The following CHSY1 variants were observed in gnomAD, a reference collection of about 807,000 sequenced individuals.
The protein encoded by CHSY1 is chondroitin sulfate synthase 1.
CHSY1 carries 13 observed loss-of-function variants against 59.8 expected under a neutral mutation model. That is an observed-to-expected ratio of 0.22 (90% confidence interval 0.14 to 0.35). CHSY1 has a LOEUF of 0.35. Among genes scored for constraint, CHSY1 ranks in the 10% least tolerant of loss-of-function variants. The probability of loss-of-function intolerance (pLI) is 1.00; values close to 1 mark genes in which losing one functional copy is unlikely to be tolerated. For synonymous variants in CHSY1, 459 were observed against 401.2 expected, an observed-to-expected ratio of 1.14 and a Z score of -1.72; for missense variants, 947 against 1,030.6, an observed-to-expected ratio of 0.92 and a Z score of 1.11.
chr15:101,198,648 A>T (rs753431600), intron 2 of CHSY1, among the ~76,000 whole-genome samples: 1 of 152,198 alleles, frequency 6.6e-6, no homozygotes, highest in Non-Finnish European at 1.5e-5. Flanking sequence ...CAAAAACTGG[A>T]TAACTTGAGA....
chr15:101,189,579 G>T, intron 2 of CHSY1: 1 of 444,526 alleles, frequency 2.2e-6, no homozygotes, highest in Non-Finnish European at 3.0e-6. Context: ...GTTCAAGTGA[G>T]AGAGAAAGGG....
rs771717110 is a variant in CHSY1, at chr15:101,234,094, A to G, written c.816+988T>C. On this transcript the variant is annotated intron_variant, in intron 2 of 2. Coordinates refer to ENST00000254190, the MANE Select transcript of CHSY1 (RefSeq NM_014918.5). Reference sequence around the variant, plus strand: ...GCAAAGGGTGCAGCAACAACACAGGAAAGTCCAAAGCCAGTCCATCTTCTC... The same window carrying G: ...GCAAAGGGTGCAGCAACAACACAGGGAAGTCCAAAGCCAGTCCATCTTCTC... 4.6e-5 allele frequency among the ~76,000 whole-genome samples: 7 copies of G among 152,326 alleles called. 1 individual carries two copies. The South Asian group carries it at 1.0e-3, about 23-fold the overall frequency.
At chr15:101,223,140 C>T (rs564538423) in intron 2 of CHSY1, among the ~76,000 whole-genome samples, 1 of 152,154 alleles carries the variant, frequency 6.6e-6, no homozygotes, top group Admixed American at 6.5e-5. Context: ...ATTACAGGCA[C>T]CCACCACCAC....
At chr15:101,201,579 A>G (rs2038574834) in intron 2 of CHSY1, among the ~76,000 whole-genome samples, 1 of 152,036 alleles carries the variant, frequency 6.6e-6, no homozygotes, top group Non-Finnish European at 1.5e-5. Context: ...GTGGGGTGGG[A>G]GGAGAGGAGG....
At position 101,178,756 on chromosome 15, in the gene CHSY1, T is replaced by C; in HGVS notation, c.1041A>G (p.Thr347=). Residue 347 remains threonine (T), a synonymous_variant, in exon 3 of 3, where the codon ACA becomes ACG. Transcript: ENST00000254190. ...EIVLMSKYSN[T]EIHKEDLQLG... The stretch of plus-strand genomic sequence containing the variant: ...GCTGGAGGTCCTCTTTATGAATTTC[T>C]GTGTTGCTGTATTTGCTCATCAGGA... 6.2e-7 allele frequency: 1 copy of C among 1,614,250 alleles called. No individual in the cohort carries two copies.
chr15:101,184,015 C>CT lies in CHSY1; in HGVS notation c.817-5036dup, dbSNP rs953918958. ...TCTGGAGAGATGATATAGTGGTCAC[C>CT]TTTTTTTTACTCCCTAGACCAAATG... On this transcript the variant is annotated intron_variant, in intron 2 of 2. Coordinates refer to ENST00000254190, the MANE Select transcript of CHSY1 (RefSeq NM_014918.5). Among the ~76,000 whole-genome samples the CT allele has an allele frequency of 9.9e-5, 15 of 152,196 alleles. No homozygotes were observed. In the East Asian group the frequency reaches 2.1e-3, roughly 22 times the overall value.
chr15:101,212,500 G>C (rs2038691869), intron 2 of CHSY1, among the ~76,000 whole-genome samples: 1 of 152,200 alleles, frequency 6.6e-6, no homozygotes. Flanking sequence ...ATGCTCAAGT[G>C]AGAGAAGCCT....
At chr15:101,184,576 C>T (rs2038328885) in intron 2 of CHSY1, among the ~76,000 whole-genome samples, 1 of 151,890 alleles carries the variant, frequency 6.6e-6, no homozygotes, top group African/African-American at 2.4e-5. Context: ...TCTTGAACTC[C>T]TGGGATCAAG....
At chr15:101,180,215 G>C (rs544836306) in intron 2 of CHSY1, among the ~76,000 whole-genome samples, 1 of 152,262 alleles carries the variant, frequency 6.6e-6, no homozygotes, top group African/African-American at 2.4e-5. Flanking sequence ...AGTAAACAGG[G>C]AGCTGGCATG....
intron 1 of CHSY1, among the ~76,000 whole-genome samples, chr15:101,247,439 T>C (rs2141283121): frequency 6.6e-6 from 1 of 152,292 alleles, no homozygotes; most frequent in African/African-American, 2.4e-5. Context: ...CATCCATCAC[T>C]AGCAGAAACC....
chr15:101,214,679 C>G, intron 2 of CHSY1, among the ~76,000 whole-genome samples: 1 of 140,520 alleles, frequency 7.1e-6, no homozygotes, highest in South Asian at 2.4e-4. Flanking sequence ...GTGGCTGGAT[C>G]ATGGAGGTGG....
intron 2 of CHSY1, among the ~76,000 whole-genome samples, chr15:101,185,608 T>C (rs1455508871): frequency 1.3e-5 from 2 of 150,390 alleles, no homozygotes; most frequent in Non-Finnish European, 3.0e-5. Flanking sequence ...TCAAGAGATC[T>C]CAGTGCTTCT....
intron 2 of CHSY1, chr15:101,188,110 C>T (rs887946227): frequency 4.9e-5 from 48 of 985,324 alleles, no homozygotes; most frequent in African/African-American, 1.7e-4. Flanking sequence ...AGCACGTACA[C>T]GGTTCAGCCT....
chr15:101,213,892 T>C (rs2038706116), intron 2 of CHSY1, among the ~76,000 whole-genome samples: 1 of 152,260 alleles, frequency 6.6e-6, no homozygotes, highest in Admixed American at 6.5e-5. Flanking sequence ...CACGAGGCTT[T>C]TACTTTTCCT....
intron 2 of CHSY1, among the ~76,000 whole-genome samples, chr15:101,201,061 A>T (rs1242009524): frequency 7.5e-6 from 1 of 133,482 alleles, no homozygotes. Context: ...CCAATATCCC[A>T]CTGCCCACTG....
rs1596417070 is a variant in CHSY1, at chr15:101,176,208, A to C, written c.*1180T>G. 1.0e-5 allele frequency: 4 copies of C among 398,754 alleles called. No homozygotes were observed. The allele number at this position is 398,754 out of a possible 1,614,324, so 24.7% of individuals were successfully genotyped here. On this transcript the variant is annotated 3_prime_UTR_variant, in exon 3 of 3. Coordinates refer to ENST00000254190, the MANE Select transcript of CHSY1 (RefSeq NM_014918.5). Reference sequence around the variant, plus strand: ...CTAACAGGTACTCAAGAAATGGCAGAGCTCTGAACAACAGATATTAAATAA... The same window carrying C: ...CTAACAGGTACTCAAGAAATGGCAGCGCTCTGAACAACAGATATTAAATAA...
intron 2 of CHSY1, among the ~76,000 whole-genome samples, chr15:101,225,788 G>T (rs1321681352): frequency 1.3e-5 from 2 of 152,142 alleles, no homozygotes; most frequent in African/African-American, 4.8e-5. Context: ...CCTTATAGCC[G>T]TGTGAGAACG....
intron 2 of CHSY1, among the ~76,000 whole-genome samples, chr15:101,233,492 T>A (rs952804080): frequency 6.6e-6 from 1 of 152,248 alleles, no homozygotes; most frequent in African/African-American, 2.4e-5. Context: ...TTATAACTAC[T>A]TTCTTAGGAT....
intron 2 of CHSY1, 46 bp from the exon 3 acceptor site, chr15:101,179,026 T>G: frequency 1.3e-6 from 2 of 1,574,116 alleles, no homozygotes; most frequent in South Asian, 1.1e-5. Context: ...ATTGTATGAT[T>G]GAGTGCCAGC....
Sources: allele counts gnomAD v4.1 joint callset (sites outside exome capture counted in the v4.1 genomes callset), GRCh38; gene constraint gnomAD v4.1.1; transcripts MANE v1.5; gene names NCBI Gene and HGNC (gene_info 2026-07-23, HGNC 2026-07-21).